The following NPTN variants were observed in gnomAD, a reference collection of about 807,000 sequenced individuals.
NPTN encodes the protein SDR-1.
NPTN carries 5 observed loss-of-function variants against 42.7 expected under a neutral mutation model. The ratio of observed to expected loss-of-function variants is 0.12; its 90% CI spans 0.06 to 0.25. The LOEUF (loss-of-function observed/expected upper bound fraction) is 0.25. Ranked by LOEUF, NPTN falls within the 10% of genes least tolerant of loss-of-function variation. The pLI is 1.00. For synonymous variants in NPTN, 180 were observed against 201.9 expected (o/e 0.89, Z 0.92); for missense variants, 307 against 525.4 (o/e 0.58, Z 4.06).
chr15:73,618,527 G>A (rs377735121), intron 1 of NPTN, among the ~76,000 whole-genome samples: 7 of 152,146 alleles, frequency 4.6e-5, no homozygotes, highest in East Asian at 1.9e-4. Context: ...ACAGGATCAA[G>A]AAAGTATGTG....
intron 1 of NPTN, among the ~76,000 whole-genome samples, chr15:73,601,299 AG>A (rs1428464136): frequency 6.6e-6 from 1 of 152,170 alleles, no homozygotes; most frequent in Admixed American, 6.5e-5. Context: ...CCATGAAAAG[AG>A]ATCTATTCCC....
At chr15:73,632,410 C>T (rs186860691) in intron 1 of NPTN, among the ~76,000 whole-genome samples, 1 of 151,968 alleles carries the variant, frequency 6.6e-6, no homozygotes, top group African/African-American at 2.4e-5. Flanking sequence ...CCTAGAATGC[C>T]CAGCACTCCA....
At chr15:73,575,800 C>T (rs184671070) in intron 4 of NPTN, among the ~76,000 whole-genome samples, 1 of 152,368 alleles carries the variant, frequency 6.6e-6, no homozygotes, top group East Asian at 1.9e-4. Flanking sequence ...CCTCCAGAGG[C>T]ACCTGGATGG....
chr15:73,571,006 C>T (rs1895346929), intron 5 of NPTN, among the ~76,000 whole-genome samples: 2 of 152,216 alleles, frequency 1.3e-5, no homozygotes, highest in South Asian at 4.1e-4. Context: ...TGTGGCTGGG[C>T]ACAGAGGCTC....
At chr15:73,568,012 A>C in intron 6 of NPTN, 17 of 985,442 alleles carry the variant, frequency 1.7e-5, no homozygotes, top group Non-Finnish European at 2.0e-5. Context: ...TAAAAGAGGT[A>C]CTTTCCCTCT....
chr15:73,566,426 T>TA (rs1331148036), intron 6 of NPTN, among the ~76,000 whole-genome samples: 2 of 152,244 alleles, frequency 1.3e-5, no homozygotes, highest in Non-Finnish European at 2.9e-5. Context: ...GACTTGCTTA[T>TA]AAAAAATTAT....
chr15:73,588,910 T>C (rs887803204), intron 3 of NPTN, among the ~76,000 whole-genome samples: 2 of 152,228 alleles, frequency 1.3e-5, no homozygotes, highest in African/African-American at 4.8e-5. Context: ...ACCGAGTACC[T>C]AGCCTGGTGC....
intron 2 of NPTN, among the ~76,000 whole-genome samples, chr15:73,593,768 A>G (rs949093038): frequency 1.3e-5 from 2 of 152,346 alleles, no homozygotes; most frequent in Non-Finnish European, 2.9e-5. Flanking sequence ...TGGCAAAAGG[A>G]TAACGGTTAT....
chr15:73,595,560 C>T (rs772682717), intron 2 of NPTN, among the ~76,000 whole-genome samples: 7 of 152,160 alleles, frequency 4.6e-5, no homozygotes, highest in Non-Finnish European at 8.8e-5. Context: ...TATATAGACT[C>T]AAGGCCCATG....
chr15:73,573,653 C>T lies in NPTN; in HGVS notation c.840+9G>A. 1 of 1,564,458 alleles carries T rather than the reference C, an allele frequency of 6.4e-7. No homozygotes were observed. The highest frequency in any genetic ancestry group is 8.6e-7 in the Non-Finnish European group (1 of 1,158,924). The stretch of plus-strand genomic sequence containing the variant: ...AGCAACCAGAGACCCGGGCCTGCCT[C>T]CTACTCACCATGGGCATCCCGTTCT... On this transcript the variant is annotated intron_variant, in intron 5 of 8. Transcript: ENST00000345330.
At chr15:73,615,285 A>G (rs1897809774) in intron 1 of NPTN, among the ~76,000 whole-genome samples, 1 of 152,172 alleles carries the variant, frequency 6.6e-6, no homozygotes, top group Admixed American at 6.5e-5. Flanking sequence ...TACTGAGCAC[A>G]TAACTAATGT....
At chr15:73,608,571 C>T (rs970484352) in intron 1 of NPTN, among the ~76,000 whole-genome samples, 1 of 152,138 alleles carries the variant, frequency 6.6e-6, no homozygotes, top group Non-Finnish European at 1.5e-5. Context: ...AGAAAAATAT[C>T]CTCAAGACCT....
At position 73,605,111 on chromosome 15, in the gene NPTN, GAAA is replaced by G. The variant is rs386785324; in HGVS notation, c.92-7745_92-7743del. On this transcript the variant is annotated intron_variant, in intron 1 of 8. Coordinates refer to ENST00000345330, the MANE Select transcript of NPTN (RefSeq NM_012428.4). ...AGACCCTGTCTCAAGGGGGGGGGGGGAAAAGAATGATCTAAACTAGTCCTGAGT... is the reference window on the plus strand; with the variant it reads ...AGACCCTGTCTCAAGGGGGGGGGGGGAGAATGATCTAAACTAGTCCTGAGT... Among the ~76,000 whole-genome samples the G allele has an allele frequency of 7.5e-4, 105 of 140,564 alleles. 5 individuals carry two copies. The highest frequency in any genetic ancestry group is 2.8e-3 in the African/African-American group (98 of 35,138). The allele number at this position is 140,564 out of a possible 152,430, so 92.2% of individuals were successfully genotyped here.
intron 2 of NPTN, 22 bp downstream of exon 2, chr15:73,597,000 T>C (rs770286921): frequency 4.4e-6 from 7 of 1,596,030 alleles, no homozygotes; most frequent in East Asian, 4.5e-5. Context: ...ACAGTACTAC[T>C]ACTGTAGGGT....
intron 4 of NPTN, among the ~76,000 whole-genome samples, chr15:73,580,494 CATAA>C (rs946244294): frequency 5.6e-5 from 7 of 124,636 alleles, no homozygotes; most frequent in African/African-American, 1.0e-4. Flanking sequence ...TATATATATA[CATAA>C]ATATATATAT....
intron 4 of NPTN, among the ~76,000 whole-genome samples, chr15:73,580,034 A>G (rs1021587215): frequency 4.6e-5 from 7 of 152,174 alleles, no homozygotes; most frequent in Non-Finnish European, 2.9e-5. Context: ...CAAATATACC[A>G]ATTGATGAAG....
intron 1 of NPTN, among the ~76,000 whole-genome samples, chr15:73,621,989 T>C (rs1365594756): frequency 6.6e-6 from 1 of 152,000 alleles, no homozygotes; most frequent in Admixed American, 6.6e-5. Context: ...TAAAAACTCA[T>C]CAAACCATGA....
chr15:73,603,530 T>C (rs750773944), intron 1 of NPTN, among the ~76,000 whole-genome samples: 18 of 152,306 alleles, frequency 1.2e-4, no homozygotes, highest in Non-Finnish European at 2.1e-4. Context: ...AAAGTGATAA[T>C]AGCAGACACA....
intron 6 of NPTN, among the ~76,000 whole-genome samples, chr15:73,564,366 G>A (rs913744595): frequency 2.0e-5 from 3 of 152,188 alleles, no homozygotes; most frequent in Non-Finnish European, 4.4e-5. Flanking sequence ...ATCTGCAGGA[G>A]CACATGTCGG....
Sources: gnomAD v4.1 joint callset for allele counts (sites outside exome capture counted in the v4.1 genomes callset) on GRCh38, gnomAD v4.1.1 for gene constraint, MANE v1.5 for transcripts, NCBI Gene and HGNC (gene_info 2026-07-23, HGNC 2026-07-21) for gene names.